Variants in SGK3 observed in about 807,000 individuals in gnomAD.
The protein encoded by SGK3 is serine/threonine-protein kinase Sgk3.
Under a neutral mutation model 68.5 loss-of-function variants are expected in SGK3, and 47 were observed. The observed-to-expected ratio is 0.69, with a 90% CI of 0.54 to 0.87. SGK3 has a LOEUF of 0.87. Among genes scored for constraint, SGK3 ranks in the 40% least tolerant of loss-of-function variants. SGK3 has a pLI of 0.00. For synonymous variants in SGK3, 181 were observed against 189.1 expected (o/e 0.96, Z 0.35); for missense variants, 479 against 575.5 (o/e 0.83, Z 1.72).
chr8:66,787,485 A>T (rs1807257536), intron 1 of SGK3, among the ~76,000 whole-genome samples: 1 of 152,148 alleles, frequency 6.6e-6, no homozygotes, highest in African/African-American at 2.4e-5. Context: ...GGATGGTGGG[A>T]TAGTGGGCCT....
At chr8:66,808,129 A>G (rs1049474322) in intron 4 of SGK3, among the ~76,000 whole-genome samples, 18 of 152,218 alleles carry the variant, frequency 1.2e-4, no homozygotes, top group African/African-American at 4.3e-4. Context: ...AGATTGGGAA[A>G]GGCAAAAGGG....
At chr8:66,801,233 A>G (rs1297928112) in intron 3 of SGK3, among the ~76,000 whole-genome samples, 1 of 152,218 alleles carries the variant, frequency 6.6e-6, no homozygotes, top group African/African-American at 2.4e-5. Context: ...CGCCCCAGTG[A>G]GCATTTCCTT....
intron 2 of SGK3, among the ~76,000 whole-genome samples, chr8:66,797,669 A>G (rs907027989): frequency 6.6e-5 from 10 of 152,254 alleles, no homozygotes; most frequent in African/African-American, 2.4e-4. Flanking sequence ...TTTGAAAACT[A>G]CTATGTGAAA....
rs1445153305 is a variant in SGK3, at chr8:66,798,556, G to C, written c.111G>C (p.Leu37=). Residue 37 remains leucine (L), a synonymous_variant, in exon 3 of 17, where the codon CTG becomes CTC. Transcript: ENST00000521198. The stretch of plus-strand genomic sequence containing the variant: ...TATTTCCACAGGTTTATAAAGTTCT[G>C]GTTTCAGTGGGAAGAAGTGAATGGT... ...KKKRFTVYKV[L]VSVGRSEWFV... is the part of the protein sequence containing the mutation. The C allele has an allele frequency of 1.9e-6, 3 of 1,610,340 alleles. No individual in the cohort carries two copies. Among genetic ancestry groups the C allele is most frequent in the East Asian group, 2.2e-5 (1 of 44,742 alleles).
chr8:66,831,308 C>T lies in SGK3; in HGVS notation c.522C>T (p.Gly174=), dbSNP rs1309461439. ...FLKVIGKGSF[G]KVLLAKRKLD... is the part of the protein sequence containing the mutation. ...AAGTTATTGGAAAAGGCAGCTTTGG[C>T]AAGGTAAGAGTGTTTTGTGAGGTTT... The change falls in exon 8 of 17, where the codon GGC becomes GGT. Residue 174 remains glycine, a synonymous_variant. Transcript: ENST00000521198. The T allele has an allele frequency of 5.0e-6, 8 of 1,612,918 alleles. No homozygotes were observed. In the Admixed American group the frequency reaches 5.0e-5, roughly 10 times the overall value.
At chr8:66,812,472 G>C (rs1437382653) in intron 4 of SGK3, among the ~76,000 whole-genome samples, 2 of 151,748 alleles carry the variant, frequency 1.3e-5, no homozygotes, top group African/African-American at 4.8e-5. Flanking sequence ...CAGGAGAATC[G>C]CTTGAAACTC....
intron 16 of SGK3, among the ~76,000 whole-genome samples, chr8:66,854,462 C>T (rs1044414874): frequency 6.6e-6 from 1 of 152,122 alleles, no homozygotes; most frequent in Non-Finnish European, 1.5e-5. Context: ...ATAGGAGTGG[C>T]TTGGCCATGC....
chr8:66,847,576 T>A (rs1810084551), intron 15 of SGK3, among the ~76,000 whole-genome samples: 1 of 152,198 alleles, frequency 6.6e-6, no homozygotes, highest in Admixed American at 6.5e-5. Flanking sequence ...CCACATACAC[T>A]TTCGCACCCT....
intron 1 of SGK3, among the ~76,000 whole-genome samples, chr8:66,750,962 G>C (rs936497720): frequency 6.8e-6 from 1 of 146,780 alleles, no homozygotes; most frequent in Admixed American, 6.8e-5. Context: ...AGCCAAGATC[G>C]CGCCACTGCA....
intron 5 of SGK3, among the ~76,000 whole-genome samples, chr8:66,818,037 C>T (rs947471773): frequency 6.6e-6 from 1 of 151,974 alleles, no homozygotes; most frequent in Non-Finnish European, 1.5e-5. Flanking sequence ...GAGAATCACC[C>T]GAGCCCAGGA....
At chr8:66,762,730 T>G (rs571395109) in intron 1 of SGK3, among the ~76,000 whole-genome samples, 1 of 152,342 alleles carries the variant, frequency 6.6e-6, no homozygotes, top group South Asian at 2.1e-4. Context: ...AGTCTTTTAT[T>G]CTGTATATCT....
chr8:66,785,302 G>A (rs1202472979), intron 1 of SGK3, among the ~76,000 whole-genome samples: 2 of 152,232 alleles, frequency 1.3e-5, no homozygotes, highest in Non-Finnish European at 2.9e-5. Context: ...ACGTGACCAT[G>A]TGGAACTACT....
chr8:66,777,843 A>G (rs1377683394), intron 1 of SGK3: 1 of 152,286 alleles, frequency 6.6e-6, no homozygotes, highest in Non-Finnish European at 1.5e-5. Flanking sequence ...ATATGACAGT[A>G]GAATTAAGGC....
rs930388523 is a variant in SGK3 at position 66,855,534 on chromosome 8, G to A, written c.1321-3877G>A. On this transcript the variant is annotated intron_variant, in intron 16 of 16. Transcript: ENST00000521198. ...ATAAGATTTTAGTATATGTGCTGCC[G>A]AAGTGAGCACTGACCACATAAAATT... 3.9e-5 allele frequency among the ~76,000 whole-genome samples: 6 copies of A among 152,114 alleles called. No individual in the cohort carries two copies. In the South Asian group the frequency reaches 6.2e-4, roughly 16 times the overall value.
intron 15 of SGK3, among the ~76,000 whole-genome samples, chr8:66,850,080 A>C (rs1410533534): frequency 6.6e-6 from 1 of 151,988 alleles, no homozygotes; most frequent in African/African-American, 2.4e-5. Context: ...TGACAGTCCC[A>C]TCCCTCCCTA....
chr8:66,741,632 C>T (rs972306626), intron 1 of SGK3, among the ~76,000 whole-genome samples: 2 of 151,690 alleles, frequency 1.3e-5, no homozygotes, highest in African/African-American at 2.4e-5. Flanking sequence ...TTTGGGAGAC[C>T]GAAGCAGGCA....
At position 66,757,593 on chromosome 8, in the gene SGK3, A is replaced by G. The variant is rs529770655; in HGVS notation, c.-121-36023A>G. The stretch of plus-strand genomic sequence containing the variant: ...GCTATCTATTTGTACTAGAAGTTAA[A>G]ACTGATAAATTTTAAAAAAAAAATT... On this transcript the variant is annotated intron_variant, in intron 1 of 16. Coordinates refer to ENST00000521198, the MANE Select transcript of SGK3 (RefSeq NM_001033578.3). Among the ~76,000 whole-genome samples the G allele has an allele frequency of 8.7e-5, 13 of 149,880 alleles. 1 individual carries two copies. The South Asian group carries it at 2.5e-3, about 29-fold the overall frequency.
chr8:66,810,042 CTCATTAGAAGGTAG>C (rs1158384235), intron 4 of SGK3, among the ~76,000 whole-genome samples: 2 of 152,096 alleles, frequency 1.3e-5, no homozygotes, highest in East Asian at 3.9e-4. Context: ...CCATATTCCG[CTCATTAGAAGGTAG>C]TCATTAAGTC....
At position 66,779,016 on chromosome 8, in the gene SGK3, TTCTC is replaced by T. The variant is rs1037925891; in HGVS notation, c.-121-14596_-121-14593del. 2.0e-5 allele frequency among the ~76,000 whole-genome samples: 3 copies of T among 152,330 alleles called. No individual in the cohort carries two copies. In the South Asian group the frequency reaches 6.2e-4, roughly 32 times the overall value. ...TACTGGATAGGACTGAAGATTCTCT[TTCTC>T]TCTGGTCTGCAGAAAGTAATTTACT... On this transcript the variant is annotated intron_variant, in intron 1 of 16. Transcript: ENST00000521198.
Sources: allele counts gnomAD v4.1 joint callset (sites outside exome capture counted in the v4.1 genomes callset), GRCh38; gene constraint gnomAD v4.1.1; transcripts MANE v1.5; gene names NCBI Gene and HGNC (gene_info 2026-07-23, HGNC 2026-07-21).